PAX3: variants seen among roughly 807,000 people sequenced by gnomAD.
The protein encoded by PAX3 is paired box 3.
A neutral mutation model predicts 51.6 loss-of-function variants in PAX3; 14 were observed. That is an observed-to-expected ratio of 0.27 (90% CI 0.18 to 0.42). PAX3 has a LOEUF of 0.42. Ranked by LOEUF, PAX3 falls within the 10% of genes least tolerant of loss-of-function variation. The pLI is 1.00. For missense variants in PAX3, 540 were observed against 642.8 expected, an observed-to-expected ratio of 0.84 and a Z score of 1.73; for synonymous variants, 280 against 253.4, an observed-to-expected ratio of 1.11 and a Z score of -1.00.
chr2:222,227,859 A>G (rs1041258436), intron 5 of PAX3, among the ~76,000 whole-genome samples: 5 of 152,188 alleles, frequency 3.3e-5, no homozygotes, highest in African/African-American at 9.7e-5. Context: ...ATGAATTTAT[A>G]TAAAACACTG....
intron 4 of PAX3, among the ~76,000 whole-genome samples, chr2:222,281,200 A>G (rs1230996312): frequency 6.6e-6 from 1 of 152,168 alleles, no homozygotes; most frequent in Non-Finnish European, 1.5e-5. Flanking sequence ...ACCACCATTT[A>G]TTTGCTCAAC....
intron 7 of PAX3, among the ~76,000 whole-genome samples, chr2:222,204,569 G>C (rs573757143): frequency 6.6e-6 from 1 of 152,050 alleles, no homozygotes; most frequent in Non-Finnish European, 1.5e-5. Flanking sequence ...GTACATTTTC[G>C]TGTGTGATCC....
chr2:222,293,973 A>C (rs1204245375), intron 4 of PAX3, 194 bp downstream of exon 4: 2 of 1,525,084 alleles, frequency 1.3e-6, no homozygotes, highest in African/African-American at 1.4e-5. Flanking sequence ...AACTAAGCAG[A>C]ATAGAAATGT....
rs113261042 is a variant in PAX3, at chr2:222,224,215, C to T, written c.793-2828G>A. 5.7e-3 allele frequency among the ~76,000 whole-genome samples: 872 copies of T among 152,120 alleles called. 6 individuals are homozygous for T. Among genetic ancestry groups the T allele is most frequent in the Non-Finnish European group, 8.1e-3 (550 of 68,002 alleles). On this transcript the variant is annotated intron_variant, in intron 5 of 8. Coordinates refer to ENST00000392070, the MANE Select transcript of PAX3 (RefSeq NM_181458.4). The stretch of plus-strand genomic sequence containing the variant: ...TATTATACAGTATCTATTATATCCA[C>T]AATAAAAAATGAAGAGAAATTGTTG...
intron 4 of PAX3, among the ~76,000 whole-genome samples, chr2:222,258,992 G>A (rs1292363850): frequency 6.6e-6 from 1 of 152,130 alleles, no homozygotes; most frequent in African/African-American, 2.4e-5. Flanking sequence ...ACTGTGGAGT[G>A]AGCTACTAAG....
At chr2:222,217,539 T>C (rs938406311) in intron 7 of PAX3, among the ~76,000 whole-genome samples, 3 of 152,086 alleles carry the variant, frequency 2.0e-5, no homozygotes, top group Non-Finnish European at 4.4e-5. Flanking sequence ...TTTTTCTGCA[T>C]ATTAGATAAC....
chr2:222,200,863 T>C lies in PAX3; in HGVS notation c.*545A>G. The C allele has an allele frequency of 2.4e-6, 1 of 411,336 alleles. No individual in the cohort carries two copies. Among genetic ancestry groups the C allele is most frequent in the Non-Finnish European group, 4.4e-6 (1 of 228,626 alleles). 25.5% of individuals were successfully genotyped at this position (411,336 alleles called of 1,614,324 possible). On this transcript the variant is annotated 3_prime_UTR_variant, in exon 9 of 9. Transcript: ENST00000392070. ...CTAAAAATGGTTGCATTTATCTTTA[T>C]TTCAATTTCCAGTGTGTAAGAGTCA...
intron 5 of PAX3, among the ~76,000 whole-genome samples, chr2:222,229,840 T>C (rs768784581): frequency 9.2e-5 from 14 of 152,216 alleles, no homozygotes; most frequent in Non-Finnish European, 1.9e-4. Context: ...ATACTCTCCT[T>C]ATGCACCTGG....
intron 4 of PAX3, among the ~76,000 whole-genome samples, chr2:222,291,206 C>G (rs1422506265): frequency 2.6e-5 from 4 of 152,192 alleles, no homozygotes; most frequent in Non-Finnish European, 4.4e-5. Context: ...CCCACAGCCC[C>G]GGATGCCTCG....
chr2:222,210,522 AG>A (rs1179372096), intron 7 of PAX3, among the ~76,000 whole-genome samples: 1 of 152,206 alleles, frequency 6.6e-6, no homozygotes, highest in Non-Finnish European at 1.5e-5. Flanking sequence ...GAATACAAAA[AG>A]AAAAACAACA....
chr2:222,283,372 G>A (rs763328722), intron 4 of PAX3, among the ~76,000 whole-genome samples: 7 of 152,186 alleles, frequency 4.6e-5, no homozygotes, highest in Non-Finnish European at 7.3e-5. Flanking sequence ...GGTTGGCATA[G>A]AGTGTCTGGA....
chr2:222,231,045 C>T (rs1395725300), intron 5 of PAX3, among the ~76,000 whole-genome samples: 3 of 152,120 alleles, frequency 2.0e-5, no homozygotes, highest in Non-Finnish European at 4.4e-5. Context: ...TTTCCTAGCA[C>T]TATGATGATC....
In PAX3 at chr2:222,201,038, C is replaced by T. The variant is rs1691266340; in HGVS notation, c.*370G>A. The T allele has an allele frequency of 4.8e-6, 4 of 837,400 alleles. No homozygotes were observed. The highest frequency in any genetic ancestry group is 2.8e-5 in the East Asian group (1 of 36,012). 51.9% of individuals were successfully genotyped at this position (837,400 alleles called of 1,614,324 possible). ...ACCAGTCTGGGTAAATCTCAATACA[C>T]ACACACACACACACACGCACGCACG... On this transcript the variant is annotated 3_prime_UTR_variant, in exon 9 of 9. Coordinates refer to ENST00000392070, the MANE Select transcript of PAX3 (RefSeq NM_181458.4).
At chr2:222,281,781 C>A (rs1238873669) in intron 4 of PAX3, among the ~76,000 whole-genome samples, 1 of 152,132 alleles carries the variant, frequency 6.6e-6, no homozygotes, top group Admixed American at 6.6e-5. Flanking sequence ...TGAAAAGCTG[C>A]TTTTGATTTT....
intron 4 of PAX3, among the ~76,000 whole-genome samples, chr2:222,237,326 GCACACACACACACA>G (rs3075849): frequency 5.5e-5 from 8 of 146,562 alleles, no homozygotes; most frequent in African/African-American, 2.0e-4. Flanking sequence ...TTTATCACAT[GCACACACACACACA>G]CACACACACA....
chr2:222,278,410 A>G (rs1694507416), intron 4 of PAX3, among the ~76,000 whole-genome samples: 1 of 152,228 alleles, frequency 6.6e-6, no homozygotes, highest in Non-Finnish European at 1.5e-5. Flanking sequence ...TAAGGATTTA[A>G]GAGCTCAGCC....
intron 7 of PAX3, among the ~76,000 whole-genome samples, chr2:222,204,396 A>G (rs1042911214): frequency 6.6e-5 from 10 of 152,156 alleles, no homozygotes; most frequent in African/African-American, 2.4e-4. Flanking sequence ...GCTTATATAG[A>G]TGATTTCTAT....
chr2:222,234,869 C>T (rs954309581), intron 4 of PAX3, among the ~76,000 whole-genome samples: 2 of 152,158 alleles, frequency 1.3e-5, no homozygotes, highest in African/African-American at 4.8e-5. Flanking sequence ...GACAAATTTC[C>T]ATAAAATATT....
chr2:222,209,079 G>A lies in PAX3; in HGVS notation c.1174-6889C>T, dbSNP rs547838342. Among the ~76,000 whole-genome samples, 3 of 152,250 alleles carry A rather than the reference G, an allele frequency of 2.0e-5. No individual in the cohort carries two copies. In the South Asian group the frequency reaches 6.2e-4, roughly 32 times the overall value. ...CTCTGCCTCTCCCAAGCAGAGGAAT[G>A]TTGGTCTATATATACTATATTCCCA... On this transcript the variant is annotated intron_variant, in intron 7 of 8. Transcript: ENST00000392070.
Sources: gnomAD v4.1 joint callset for allele counts (sites outside exome capture counted in the v4.1 genomes callset) on GRCh38, gnomAD v4.1.1 for gene constraint, MANE v1.5 for transcripts, NCBI Gene and HGNC (gene_info 2026-07-23, HGNC 2026-07-21) for gene names.